The following PPP1R1C variants were observed in gnomAD, a reference collection of about 807,000 sequenced individuals.
PPP1R1C encodes the protein protein phosphatase 1 regulatory inhibitor subunit 1C.
A neutral mutation model predicts 17.4 loss-of-function variants in PPP1R1C; 15 were observed. The ratio of observed to expected loss-of-function variants is 0.86; its 90% CI spans 0.58 to 1.33. The LOEUF is 1.33. PPP1R1C is among the 40% of genes most tolerant of loss of function. The pLI, the probability that PPP1R1C is intolerant of heterozygous loss-of-function variation, is 0.00. For missense variants in PPP1R1C, 143 were observed against 130.0 expected, an observed-to-expected ratio of 1.10 and a Z score of -0.48; for synonymous variants, 35 against 43.1, an observed-to-expected ratio of 0.81 and a Z score of 0.73.
chr2:182,046,439 T>C (rs1013390313), intron 2 of PPP1R1C, among the ~76,000 whole-genome samples: 30 of 151,916 alleles, frequency 2.0e-4, no homozygotes, highest in African/African-American at 7.2e-4. Context: ...AATTATTAAC[T>C]AGCAATTCAA....
Position 182,105,451 on chromosome 2 carries a change from C to A in PPP1R1C, c.242-11756C>A, listed in dbSNP as rs530717041. ...ATTACAGAGAGGTGGATTTTTATCA[C>A]AATTGTAGGTTTGTCAGATGAGTAC... On this transcript the variant is annotated intron_variant, in intron 4 of 4. Transcript: ENST00000682840. Among the ~76,000 whole-genome samples, 4 of 151,088 alleles carry A rather than the reference C, an allele frequency of 2.6e-5. No homozygotes were observed. The South Asian group carries it at 8.4e-4, about 32-fold the overall frequency.
At chr2:182,106,242 G>A (rs1412948105) in intron 4 of PPP1R1C, among the ~76,000 whole-genome samples, 7 of 152,160 alleles carry the variant, frequency 4.6e-5, no homozygotes, top group Middle Eastern at 3.2e-3. Flanking sequence ...GTGAGGACAG[G>A]CACTCCTGCT....
chr2:182,111,401 CATTAT>C, intron 4 of PPP1R1C, among the ~76,000 whole-genome samples: 1 of 152,022 alleles, frequency 6.6e-6, no homozygotes, highest in South Asian at 2.1e-4. Context: ...ATTGGCTAGT[CATTAT>C]ATTAGAACAG....
intron 2 of PPP1R1C, among the ~76,000 whole-genome samples, chr2:181,992,810 G>T (rs1574359264): frequency 1.3e-5 from 1 of 77,892 alleles, no homozygotes; most frequent in African/African-American, 4.8e-5. Context: ...AACAAAGGTT[G>T]TTCTCACATG....
At chr2:182,026,613 G>T (rs1000423807) in intron 2 of PPP1R1C, among the ~76,000 whole-genome samples, 256 of 151,946 alleles carry the variant, frequency 1.7e-3, no homozygotes, top group African/African-American at 5.8e-3. Flanking sequence ...GTTACTGTAG[G>T]CTTGTAGTAT....
At chr2:182,043,345 G>C (rs1687242205) in intron 2 of PPP1R1C, among the ~76,000 whole-genome samples, 1 of 151,982 alleles carries the variant, frequency 6.6e-6, no homozygotes, top group African/African-American at 2.4e-5. Flanking sequence ...CTGAAATATG[G>C]TTATTATATA....
rs1359900799 is a variant in PPP1R1C at position 182,035,040 on chromosome 2, G to A, written c.143-26402G>A. ...TTTTATTCCCAATACCTAGCCCAGTGCCTGGCACCTCCTTGTTGCTCAATA... is the reference window on the plus strand; with the variant it reads ...TTTTATTCCCAATACCTAGCCCAGTACCTGGCACCTCCTTGTTGCTCAATA... On this transcript the variant is annotated intron_variant, in intron 2 of 4. Transcript: ENST00000682840. Among the ~76,000 whole-genome samples the A allele has an allele frequency of 2.0e-5, 3 of 152,218 alleles. No individual in the cohort carries two copies. In the East Asian group the frequency reaches 5.8e-4, roughly 29 times the overall value.
chr2:182,117,794 C>A (rs1476291070), downstream of PPP1R1C: 1 of 152,138 alleles, frequency 6.6e-6, no homozygotes, highest in Non-Finnish European at 1.5e-5. Flanking sequence ...CAGAACAGAA[C>A]ACAATGTTCA....
In PPP1R1C at chr2:182,076,181, C is replaced by CTTTTT. The variant is rs1319925818; in HGVS notation, c.241+12396_241+12400dup. On this transcript the variant is annotated intron_variant, in intron 4 of 4. Transcript: ENST00000682840. The stretch of plus-strand genomic sequence containing the variant: ...TTATCTATAAATCAAGGATTTTGAA[C>CTTTTT]TTTTTTTTTTCTTTTCTTTTTTTTT... Among the ~76,000 whole-genome samples the CTTTTT allele has an allele frequency of 4.2e-4, 20 of 47,462 alleles. 2 individuals carry two copies. The highest frequency in any genetic ancestry group is 1.6e-3 in the African/African-American group (18 of 11,564). The allele number at this position is 47,462 out of a possible 152,430, so 31.1% of individuals were successfully genotyped here.
chr2:182,059,337 G>T (rs1412194796), intron 2 of PPP1R1C, among the ~76,000 whole-genome samples: 1 of 151,816 alleles, frequency 6.6e-6, no homozygotes, highest in Non-Finnish European at 1.5e-5. Context: ...CACTGATTTT[G>T]TTCAACCCTA....
intron 4 of PPP1R1C, among the ~76,000 whole-genome samples, chr2:182,086,942 A>C (rs373336767): frequency 1.7e-4 from 26 of 151,758 alleles, no homozygotes; most frequent in Middle Eastern, 3.4e-3. Flanking sequence ...AAAAAAAAAA[A>C]CAAAAACACT....
intron 4 of PPP1R1C, among the ~76,000 whole-genome samples, chr2:182,094,308 G>C (rs1688867981): frequency 6.6e-6 from 1 of 152,104 alleles, no homozygotes; most frequent in Admixed American, 6.5e-5. Context: ...TCTCCTACCA[G>C]GTCCCTCCCA....
intron 2 of PPP1R1C, among the ~76,000 whole-genome samples, chr2:182,017,719 A>T (rs752823442): frequency 6.6e-6 from 1 of 152,160 alleles, no homozygotes. Flanking sequence ...TAAAACGTAT[A>T]GTGCTATATT....
intron 5 of PPP1R1C, among the ~76,000 whole-genome samples, chr2:182,128,737 T>C (rs1689936541): frequency 6.6e-6 from 1 of 152,142 alleles, no homozygotes; most frequent in African/African-American, 2.4e-5. Flanking sequence ...ATGACCTAAA[T>C]AGTGACGATC....
intron 2 of PPP1R1C, among the ~76,000 whole-genome samples, chr2:182,034,664 G>T (rs1264989352): frequency 6.6e-6 from 1 of 152,138 alleles, no homozygotes; most frequent in Admixed American, 6.6e-5. Context: ...TAAGTAGAAG[G>T]CTTAAGTTGG....
intron 4 of PPP1R1C, among the ~76,000 whole-genome samples, chr2:182,092,323 C>G (rs550576144): frequency 6.6e-6 from 1 of 152,170 alleles, no homozygotes; most frequent in South Asian, 2.1e-4. Context: ...GAGACCTGCT[C>G]CTATGATTCA....
At position 181,967,997 on chromosome 2, in the gene PPP1R1C, A is replaced by G. The variant is rs111656787; in HGVS notation, n.112-7222A>G. 0.039 allele frequency among the ~76,000 whole-genome samples: 5,889 copies of G among 152,302 alleles called. 366 individuals are homozygous for G. The highest frequency in any genetic ancestry group is 0.13 in the African/African-American group (5,472 of 41,546). ...CCCAAAGTGCTGGGATTGCAGGCAT[A>G]AGCCACTGTGCCCGGCCTGTTATCG... On this transcript the variant is annotated intron_variant and non_coding_transcript_variant, in intron 1 of 5. Transcript: ENST00000464264. This position sits in a 1 kb window ranked among gnomAD's most constrained non-coding sequence, Gnocchi z 5.5.
intron 2 of PPP1R1C, among the ~76,000 whole-genome samples, chr2:182,007,987 G>T (rs1373487353): frequency 6.6e-6 from 1 of 152,040 alleles, no homozygotes; most frequent in Non-Finnish European, 1.5e-5. Context: ...AGAATGGCGT[G>T]AACCTAGGAG....
intron 4 of PPP1R1C, among the ~76,000 whole-genome samples, chr2:182,109,929 C>T (rs1000784538): frequency 2.0e-5 from 3 of 152,148 alleles, no homozygotes; most frequent in Admixed American, 2.0e-4. Context: ...CATATCAGGA[C>T]TGACATATAT....
Sources: gnomAD v4.1 joint callset for allele counts (sites outside exome capture counted in the v4.1 genomes callset) on GRCh38, gnomAD v4.1.1 for gene constraint, Gnocchi (gnomAD v3.1) non-coding constraint, MANE v1.5 for transcripts, NCBI Gene and HGNC (gene_info 2026-07-23, HGNC 2026-07-21) for gene names.